RBM39: variants seen among roughly 807,000 people sequenced by gnomAD.
RBM39 encodes RNA-binding protein 39.
Under a neutral mutation model 79.6 loss-of-function variants are expected in RBM39, and 12 were observed. That is an observed-to-expected ratio of 0.15 (90% CI 0.10 to 0.24). RBM39 has a LOEUF of 0.24. RBM39 is among the 10% of genes least tolerant of loss of function. RBM39 has a pLI of 1.00. For synonymous variants in RBM39, 185 were observed against 208.4 expected, an observed-to-expected ratio of 0.89 and a Z score of 0.97; for missense variants, 243 against 653.4, an observed-to-expected ratio of 0.37 and a Z score of 6.85.
chr20:35,724,654 G>A lies in RBM39; in HGVS notation c.603C>T (p.Phe201=), dbSNP rs151187023. ...CTAGAGGCACTGAGCTAACATCGAC[G>A]AACTCCACATAAGCAATTCCTTTGG... is the stretch of plus-strand genomic sequence containing the variant. ...RRSKGIAYVE[F]VDVSSVPLAI... The change falls in exon 8 of 17, where the codon TTC becomes TTT. Residue 201 remains phenylalanine (F), a synonymous_variant. Coordinates refer to ENST00000253363, the MANE Select transcript of RBM39 (RefSeq NM_184234.3). 109 of 1,614,038 alleles carry A rather than the reference G, an allele frequency of 6.8e-5. No individual in the cohort carries two copies. The African/African-American group carries it at 7.3e-4, about 11-fold the overall frequency.
chr20:35,725,723 C>T (rs1423292738), intron 6 of RBM39, among the ~76,000 whole-genome samples: 5 of 149,048 alleles, frequency 3.4e-5, no homozygotes, highest in African/African-American at 7.5e-5. Context: ...AGTGCAACGG[C>T]GCCATCTTGG....
intron 6 of RBM39, among the ~76,000 whole-genome samples, chr20:35,726,967 C>T (rs1479621720): frequency 1.1e-4 from 16 of 151,552 alleles, no homozygotes; most frequent in Admixed American, 9.2e-4. Flanking sequence ...TGGGATTACA[C>T]GCACGCGCCA....
chr20:35,732,164 T>A, intron 3 of RBM39, 29 bp from the exon 4 acceptor site: 1 of 1,609,506 alleles, frequency 6.2e-7, no homozygotes. Context: ...GCCATTATCA[T>A]GCTGGCTTAA....
In RBM39 at chr20:35,719,352, C is replaced by T. The variant is rs1340934115; in HGVS notation, c.825+2388G>A. Among the ~76,000 whole-genome samples, 5 of 152,060 alleles carry T rather than the reference C, an allele frequency of 3.3e-5. No homozygotes were observed. In the South Asian group the frequency reaches 8.3e-4, roughly 25 times the overall value. On this transcript the variant is annotated intron_variant, in intron 9 of 16. Transcript: ENST00000253363. ...TGGCCCATACTCAATTTCTTAATAG[C>T]TTACAGCTGTTTGGAAGAGAGTTGA...
At chr20:35,728,566 C>T (rs1396282058) in intron 6 of RBM39, among the ~76,000 whole-genome samples, 1 of 152,118 alleles carries the variant, frequency 6.6e-6, no homozygotes, top group African/African-American at 2.4e-5. Flanking sequence ...ATCATGAGCT[C>T]AGGAGTTCAA....
At chr20:35,708,966 C>A (rs1341875098) in intron 13 of RBM39, 1 of 352,956 alleles carries the variant, frequency 2.8e-6, no homozygotes. Flanking sequence ...AGGCATAAAA[C>A]AAAAACAAGG....
intron 8 of RBM39, 135 bp from the exon 9 acceptor site, chr20:35,722,012 T>A: frequency 1.0e-6 from 1 of 980,220 alleles, no homozygotes; most frequent in Non-Finnish European, 1.5e-6. Flanking sequence ...ATACTACATA[T>A]CAACTTAATA....
At position 35,738,028 on chromosome 20, in the gene RBM39, G is replaced by A. The variant is rs748693889; in HGVS notation, c.101+940C>T. Among the ~76,000 whole-genome samples the A allele has an allele frequency of 5.9e-5, 9 of 151,616 alleles. No homozygotes were observed. In the South Asian group the frequency reaches 8.3e-4, roughly 14 times the overall value. The stretch of plus-strand genomic sequence containing the variant: ...AAAAATTAGCCAGGCGTGATGGCGC[G>A]CGCCTGTAGTCCCAGCTAATCGGAG... On this transcript the variant is annotated intron_variant, in intron 3 of 16. Coordinates refer to ENST00000253363, the MANE Select transcript of RBM39 (RefSeq NM_184234.3).
chr20:35,718,541 G>A (rs961215811), intron 9 of RBM39, among the ~76,000 whole-genome samples: 1 of 152,030 alleles, frequency 6.6e-6, no homozygotes, highest in East Asian at 1.9e-4. Flanking sequence ...GTTGGGCTCC[G>A]TGACTCATGC....
At chr20:35,730,876 G>A (rs1180259475) in intron 4 of RBM39, among the ~76,000 whole-genome samples, 10 of 152,084 alleles carry the variant, frequency 6.6e-5, no homozygotes, top group Non-Finnish European at 1.5e-4. Flanking sequence ...TAAGCAGCTT[G>A]GAGGAAACCA....
chr20:35,738,550 T>C (rs1339707899), intron 3 of RBM39, among the ~76,000 whole-genome samples: 2 of 152,230 alleles, frequency 1.3e-5, no homozygotes, highest in Non-Finnish European at 2.9e-5. Flanking sequence ...TTCACAGCTT[T>C]GACTCCTTCG....
chr20:35,722,889 G>GC (rs1234609028), intron 8 of RBM39, among the ~76,000 whole-genome samples: 2 of 148,846 alleles, frequency 1.3e-5, no homozygotes, highest in Non-Finnish European at 3.0e-5. Flanking sequence ...AGCCAAGATC[G>GC]CCCCACTGCA....
At chr20:35,716,421 C>T (rs1339232402) in intron 10 of RBM39, among the ~76,000 whole-genome samples, 2 of 152,108 alleles carry the variant, frequency 1.3e-5, no homozygotes, top group Admixed American at 6.5e-5. Context: ...TGCCACCTTC[C>T]CCACCATTAT....
In RBM39 at chr20:35,704,361, G is replaced by A; in HGVS notation, c.*120C>T. 1 of 716,484 alleles carries A rather than the reference G, an allele frequency of 1.4e-6. No homozygotes were observed. Among genetic ancestry groups the A allele is most frequent in the Non-Finnish European group, 2.3e-6 (1 of 440,422 alleles). 44.4% of individuals were successfully genotyped at this position (716,484 alleles called of 1,614,324 possible). A position where few individuals can be genotyped will look rare whatever the true frequency, so the allele number is the denominator to read the frequency against. On this transcript the variant is annotated 3_prime_UTR_variant, in exon 17 of 17. Transcript: ENST00000253363. ...CATTTTTATTTTTTCAAGGTAACAG[G>A]AAATTGCATACAAATGACAGTAGAT...
chr20:35,707,385 G>A, intron 13 of RBM39, 184 bp from the exon 14 acceptor site: 1 of 397,452 alleles, frequency 2.5e-6, no homozygotes. Flanking sequence ...CCAGAAAACT[G>A]AGGTAACCTA....
In RBM39 at chr20:35,701,968, TAG is replaced by T. The variant is rs1255965847; in HGVS notation, c.*2511_*2512del. 7.3e-5 allele frequency: 11 copies of T among 151,168 alleles called. No individual in the cohort carries two copies. Among genetic ancestry groups the T allele is most frequent in the African/African-American group, 2.2e-4 (9 of 40,892 alleles). 9.4% of individuals were successfully genotyped at this position (151,168 alleles called of 1,614,324 possible). A position where few individuals can be genotyped will look rare whatever the true frequency, so the allele number is the denominator to read the frequency against. On this transcript the variant is annotated 3_prime_UTR_variant, in exon 17 of 17. Transcript: ENST00000253363. ...ACAGTTCATCCACTGTAAAAAAAAA[TAG>T]AAACTTCTGTAGCTTCTCAACTGGC...
At position 35,740,426 on chromosome 20, in the gene RBM39, C is replaced by T. The variant is rs867749684; in HGVS notation, c.51+398G>A. 1.3e-5 allele frequency: 8 copies of T among 637,898 alleles called. No homozygotes were observed. The Middle Eastern group carries it at 1.5e-3, about 120-fold the overall frequency. The allele number at this position is 637,898 out of a possible 1,614,324, so 39.5% of individuals were successfully genotyped here. On this transcript the variant is annotated intron_variant, in intron 2 of 16. Transcript: ENST00000253363. ...ACCCCTGCTTTTTCCCAAACCACTACATTCACCTTTTTGCTATACCAAACT... is the reference window on the plus strand; with the variant it reads ...ACCCCTGCTTTTTCCCAAACCACTATATTCACCTTTTTGCTATACCAAACT...
rs531045345 is a variant in RBM39 at position 35,741,933 on chromosome 20, C to A, written c.-14+8G>T. The stretch of plus-strand genomic sequence containing the variant: ...TGAGATAATACGCGGGTCCGCAACG[C>A]CCCGTACCTGTTCCGGCCTTCGGGC... On this transcript the variant is annotated splice_region_variant and intron_variant, in intron 1 of 16. Coordinates refer to ENST00000253363, the MANE Select transcript of RBM39 (RefSeq NM_184234.3). The A allele has an allele frequency of 9.4e-4, 185 of 196,078 alleles. 4 individuals carry two copies. The Middle Eastern group carries it at 0.014, about 15-fold the overall frequency. 12.1% of individuals were successfully genotyped at this position (196,078 alleles called of 1,614,324 possible).
At chr20:35,740,159 A>G (rs956865569) in intron 2 of RBM39, 4 of 164,148 alleles carry the variant, frequency 2.4e-5, no homozygotes, top group Admixed American at 1.2e-4. Context: ...ATTTACTCTA[A>G]GCTTGTATTA....
Sources: gnomAD v4.1 joint callset for allele counts (sites outside exome capture counted in the v4.1 genomes callset) on GRCh38, gnomAD v4.1.1 for gene constraint, MANE v1.5 for transcripts, NCBI Gene and HGNC (gene_info 2026-07-23, HGNC 2026-07-21) for gene names.